DIO2: variants seen among roughly 807,000 people sequenced by gnomAD.
DIO2 encodes the protein iodothyronine deiodinase 2.
In DIO2, 19 loss-of-function variants were observed where a neutral mutation model predicts 21.4. The observed-to-expected ratio is 0.89, with a 90% CI of 0.62 to 1.30. The LOEUF is 1.30. Among genes scored for constraint, DIO2 ranks in the 50% most tolerant of loss-of-function variants. The pLI is 0.00. For missense variants in DIO2, 302 were observed against 338.1 expected (o/e 0.89, Z 0.84); for synonymous variants, 122 against 132.9 (o/e 0.92, Z 0.57).
chr14:80,209,403 G>A (rs1888076831), intron 1 of DIO2, among the ~76,000 whole-genome samples: 1 of 151,414 alleles, frequency 6.6e-6, no homozygotes. Flanking sequence ...CAAAAAGTAA[G>A]AGTTTAATAT....
At chr14:80,212,684 G>A (rs1888254120), upstream of DIO2, among the ~76,000 whole-genome samples, 1 of 151,962 alleles carries the variant, frequency 6.6e-6, no homozygotes, top group Non-Finnish European at 1.5e-5. Flanking sequence ...TGTGACCTAG[G>A]TCCTTTAAAT....
chr14:80,219,765 G>T (rs1263385178), intron 2 of DIO2, among the ~76,000 whole-genome samples: 13 of 152,290 alleles, frequency 8.5e-5, no homozygotes, highest in Admixed American at 8.5e-4. Flanking sequence ...TGTGAAGCCA[G>T]AGTCAATAAA....
At chr14:80,209,399 G>A (rs1888076524) in intron 1 of DIO2, among the ~76,000 whole-genome samples, 1 of 151,244 alleles carries the variant, frequency 6.6e-6, no homozygotes, top group Middle Eastern at 3.2e-3. Context: ...CTTCCAAAAA[G>A]TAAGAGTTTA....
chr14:80,215,869 G>A (rs1888339933), upstream of DIO2: 1 of 152,264 alleles, frequency 6.6e-6, no homozygotes, highest in Non-Finnish European at 1.5e-5. Context: ...AAAATTCCCT[G>A]TGGGCCCATC....
At chr14:80,221,439 A>G (rs1168740049) in intron 2 of DIO2, among the ~76,000 whole-genome samples, 1 of 152,208 alleles carries the variant, frequency 6.6e-6, no homozygotes, top group East Asian at 1.9e-4. Context: ...TAAAAACACC[A>G]TAACATTTTC....
chr14:80,208,546 T>C (rs1283834189), intron 1 of DIO2, among the ~76,000 whole-genome samples: 2 of 152,194 alleles, frequency 1.3e-5, no homozygotes, highest in Admixed American at 1.3e-4. Context: ...ACATGTGTAG[T>C]TGTATCACAT....
intron 1 of DIO2, among the ~76,000 whole-genome samples, chr14:80,207,906 T>G (rs1271424723): frequency 6.6e-6 from 1 of 152,196 alleles, no homozygotes; most frequent in Non-Finnish European, 1.5e-5. Context: ...CATTTTCCAT[T>G]GTGGAAACTA....
intron 2 of DIO2, among the ~76,000 whole-genome samples, chr14:80,227,501 T>C (rs1594884377): frequency 1.3e-5 from 2 of 152,268 alleles, no homozygotes; most frequent in East Asian, 1.9e-4. Flanking sequence ...TAGTCAAACA[T>C]TCAGTTTCCA....
chr14:80,211,532 T>G, upstream of DIO2: 1 of 697,914 alleles, frequency 1.4e-6, no homozygotes, highest in Non-Finnish European at 1.9e-6. Flanking sequence ...CCCTCTTATT[T>G]AAAAGGGGGG....
chr14:80,203,101 G>A lies in DIO2; in HGVS notation c.410C>T (p.Thr137Met), dbSNP rs776352519. The A allele has an allele frequency of 6.2e-7, 1 of 1,613,734 alleles. No individual in the cohort carries two copies. Among genetic ancestry groups the A allele is most frequent in the East Asian group, 2.2e-5 (1 of 44,882 alleles). Residue 137 changes from threonine (T) to methionine (M), a missense_variant, in exon 2 of 2, where the codon ACG becomes ATG. By Grantham distance (81) the Thr-to-Met change is moderately conservative. Transcript: ENST00000438257. ...TTTGCGGAAGGCTGGCAGCTGGCTCGTGAAAGGAGGTCAAGTGGCTGAGCC... is the reference window on the plus strand; with the variant it reads ...TTTGCGGAAGGCTGGCAGCTGGCTCATGAAAGGAGGTCAAGTGGCTGAGCC... The part of the protein sequence containing the change: ...NFGSATUPPF[T>M]SQLPAFRKLV...
rs374563809 is a variant in DIO2, at chr14:80,197,949, C to G, written c.*4740G>C. The G allele has an allele frequency of 6.6e-6, 1 of 152,648 alleles. No individual in the cohort carries two copies. Among genetic ancestry groups the G allele is most frequent in the South Asian group, 2.1e-4 (1 of 4,832 alleles). The allele number at this position is 152,648 out of a possible 1,614,324, so 9.5% of individuals were successfully genotyped here. On this transcript the variant is annotated 3_prime_UTR_variant, in exon 2 of 2. Transcript: ENST00000438257. ...AACTAAACAAAACTGGCCAACATTC[C>G]CTACCCAATATCATTTAATTGCTTT... is the stretch of plus-strand genomic sequence containing the variant.
intron 1 of DIO2, chr14:80,206,190 A>G (rs1887949419): frequency 1.6e-6 from 2 of 1,223,540 alleles, no homozygotes; most frequent in South Asian, 3.0e-5. Context: ...AGATAAAATT[A>G]ATATTATTAA....
rs1185754140 is a variant in DIO2 at position 80,197,600 on chromosome 14, A to C, written c.*5089T>G. On this transcript the variant is annotated 3_prime_UTR_variant, in exon 2 of 2. Coordinates refer to ENST00000438257, the MANE Select transcript of DIO2 (RefSeq NM_013989.5). ...ATAAGCACACATAGCACTCAGCACC[A>C]ATATGATAACACTCTTTCTACTGAT... The C allele has an allele frequency of 6.6e-6, 1 of 152,638 alleles. No homozygotes were observed. The highest frequency in any genetic ancestry group is 1.5e-5 in the Non-Finnish European group (1 of 68,034). The allele number at this position is 152,638 out of a possible 1,614,324, so 9.5% of individuals were successfully genotyped here.
intron 2 of DIO2, among the ~76,000 whole-genome samples, chr14:80,229,389 C>G (rs1334763559): frequency 6.6e-6 from 1 of 152,130 alleles, no homozygotes; most frequent in Non-Finnish European, 1.5e-5. Flanking sequence ...TCCCATTGTA[C>G]TTAAATTTTA....
At chr14:80,212,022 T>TC (rs990351628), upstream of DIO2, 5 of 151,034 alleles carry the variant, frequency 3.3e-5, no homozygotes, top group African/African-American at 1.2e-4. Flanking sequence ...AGTTTTTTTT[T>TC]TTTCTTTCTT....
At chr14:80,227,349 C>G (rs1057438166) in intron 2 of DIO2, among the ~76,000 whole-genome samples, 8 of 152,162 alleles carry the variant, frequency 5.3e-5, no homozygotes, top group African/African-American at 1.9e-4. Flanking sequence ...GCCTTCAGGA[C>G]CTGCTCGAGC....
At position 80,211,016 on chromosome 14, in the gene DIO2, C is replaced by A. The variant is rs76212052; in HGVS notation, c.222+235G>T. Among the ~76,000 whole-genome samples the A allele has an allele frequency of 4.0e-4, 61 of 152,262 alleles. No individual in the cohort carries two copies. The East Asian group carries it at 0.011, about 28-fold the overall frequency. On this transcript the variant is annotated intron_variant, in intron 1 of 1. Coordinates refer to ENST00000438257, the MANE Select transcript of DIO2 (RefSeq NM_013989.5). Reference sequence around the variant, plus strand: ...CAAATCACAGCAAGATATTAATAACCCTTAGTAGAAAGATTCCTTATTAGG... The same window carrying A: ...CAAATCACAGCAAGATATTAATAACACTTAGTAGAAAGATTCCTTATTAGG...
upstream of DIO2, among the ~76,000 whole-genome samples, chr14:80,212,540 G>C (rs1230302806): frequency 6.6e-6 from 1 of 152,154 alleles, no homozygotes; most frequent in African/African-American, 2.4e-5. Flanking sequence ...GTTTTGGAAA[G>C]AAAGGATCCT....
intron 2 of DIO2, among the ~76,000 whole-genome samples, chr14:80,227,111 C>T (rs1888592242): frequency 1.3e-5 from 2 of 152,162 alleles, no homozygotes; most frequent in South Asian, 4.1e-4. Flanking sequence ...TGCTGTCCCC[C>T]AGTGATGTCC....
Sources: allele counts gnomAD v4.1 joint callset (sites outside exome capture counted in the v4.1 genomes callset), GRCh38; gene constraint gnomAD v4.1.1; transcripts MANE v1.5; gene names NCBI Gene and HGNC (gene_info 2026-07-23, HGNC 2026-07-21).